R3HDM1: variants seen among roughly 807,000 people sequenced by gnomAD.
R3HDM1 encodes R3H domain-containing protein 1.
A neutral mutation model predicts 141.1 loss-of-function variants in R3HDM1; 46 were observed. That is an observed-to-expected ratio of 0.33 (90% CI 0.26 to 0.42). The LOEUF (loss-of-function observed/expected upper bound fraction) is 0.42, where lower values mean the gene tolerates loss of function less well. Ranked by LOEUF, R3HDM1 falls within the 10% of genes least tolerant of loss-of-function variation. The probability of loss-of-function intolerance (pLI) is 1.00; values close to 1 mark genes in which losing one functional copy is unlikely to be tolerated. For missense variants in R3HDM1, 1,184 were observed against 1,368.3 expected, an observed-to-expected ratio of 0.87 and a Z score of 2.12; for synonymous variants, 435 against 472.9, an observed-to-expected ratio of 0.92 and a Z score of 1.04.
Position 135,645,521 on chromosome 2 carries a change from C to T in R3HDM1, c.1617C>T (p.Phe539=), listed in dbSNP as rs1461130504. 1.2e-6 allele frequency: 2 copies of T among 1,613,922 alleles called. No homozygotes were observed. The highest frequency in any genetic ancestry group is 3.3e-5 in the Admixed American group (2 of 59,990). The change falls in exon 16 of 27, where the codon TTC becomes TTT. Residue 539 remains phenylalanine, a synonymous_variant. Transcript: ENST00000683871. ...AACAACCAGCAGCTAATCACATTTTCTCACAGGTGCACATATCCATGATTA... is the reference window on the plus strand; with the variant it reads ...AACAACCAGCAGCTAATCACATTTTTTCACAGGTGCACATATCCATGATTA... ...PPQQPAANHI[F]SQPVHPLQSS...
At chr2:135,690,100 T>C (rs1040009829) in intron 21 of R3HDM1, among the ~76,000 whole-genome samples, 7 of 152,158 alleles carry the variant, frequency 4.6e-5, no homozygotes, top group African/African-American at 1.4e-4. Flanking sequence ...TTTTAAGTCT[T>C]TTTCCCTTTT....
chr2:135,581,814 G>T (rs1434450061), intron 1 of R3HDM1, among the ~76,000 whole-genome samples: 1 of 151,896 alleles, frequency 6.6e-6, no homozygotes, highest in East Asian at 1.9e-4. Context: ...TTAACTCATG[G>T]TACCTTATGT....
At chr2:135,594,977 A>G (rs866818096) in intron 1 of R3HDM1, among the ~76,000 whole-genome samples, 1 of 139,308 alleles carries the variant, frequency 7.2e-6, no homozygotes, top group South Asian at 2.3e-4. Context: ...GGGATTCTAC[A>G]CCCCCCCCCC....
At chr2:135,716,937 G>T (rs1008228557) in intron 24 of R3HDM1, among the ~76,000 whole-genome samples, 2 of 146,836 alleles carry the variant, frequency 1.4e-5, no homozygotes, top group African/African-American at 5.1e-5. Flanking sequence ...GGGCGACAGA[G>T]AGAGGCTCCG....
chr2:135,657,653 C>G (rs1234396083), intron 18 of R3HDM1, among the ~76,000 whole-genome samples: 2 of 152,070 alleles, frequency 1.3e-5, no homozygotes, highest in East Asian at 1.9e-4. Flanking sequence ...CTCCACAGAT[C>G]TCTGTTCTTT....
At chr2:135,636,804 A>G (rs112935300) in intron 11 of R3HDM1, among the ~76,000 whole-genome samples, 128 of 152,084 alleles carry the variant, frequency 8.4e-4, no homozygotes, top group African/African-American at 2.8e-3. Context: ...AAAAAAAAAA[A>G]AAGAAGATTA....
chr2:135,545,922 A>G (rs1356688315), intron 1 of R3HDM1, among the ~76,000 whole-genome samples: 1 of 152,184 alleles, frequency 6.6e-6, no homozygotes. Flanking sequence ...ATCCGATCCA[A>G]CCTCAGTGGT....
At chr2:135,642,848 A>G (rs1430735549) in intron 15 of R3HDM1, among the ~76,000 whole-genome samples, 1 of 152,188 alleles carries the variant, frequency 6.6e-6, no homozygotes, top group East Asian at 1.9e-4. Flanking sequence ...TTCTCTTATA[A>G]GTATTAAATT....
At chr2:135,606,904 A>ATT (rs549103038) in intron 3 of R3HDM1, among the ~76,000 whole-genome samples, 3 of 99,510 alleles carry the variant, frequency 3.0e-5, no homozygotes, top group Non-Finnish European at 6.4e-5. Flanking sequence ...GTATAGCTTC[A>ATT]TTTTTTTTTT....
At chr2:135,569,268 A>G (rs1373449018) in intron 1 of R3HDM1, among the ~76,000 whole-genome samples, 2 of 152,094 alleles carry the variant, frequency 1.3e-5, no homozygotes, top group Non-Finnish European at 2.9e-5. Context: ...GTGGATCACA[A>G]GGTCAGGAGT....
chr2:135,621,427 A>G, intron 5 of R3HDM1, 67 bp from the exon 6 acceptor site: 1 of 980,118 alleles, frequency 1.0e-6, no homozygotes, highest in Non-Finnish European at 1.5e-6. Context: ...CTCAAAAAAT[A>G]TAAATGTGTG....
At chr2:135,622,374 T>C in intron 6 of R3HDM1, 1 of 984,346 alleles carries the variant, frequency 1.0e-6, no homozygotes, top group Non-Finnish European at 1.2e-6. Context: ...AAAAGGATCT[T>C]TAAAGAATTT....
At chr2:135,630,308 A>AAAAAAAAAAAC (rs2062571916) in intron 7 of R3HDM1, among the ~76,000 whole-genome samples, 1 of 131,974 alleles carries the variant, frequency 7.6e-6, no homozygotes, top group Non-Finnish European at 1.6e-5. Flanking sequence ...AAAAAAAAAA[A>AAAAAAAAAAAC]CAAAAAAAAA....
At position 135,724,328 on chromosome 2, in the gene R3HDM1, C is replaced by T. The variant is rs1427607230; in HGVS notation, c.*36C>T. The T allele has an allele frequency of 6.9e-7, 1 of 1,440,764 alleles. No homozygotes were observed. Among genetic ancestry groups the T allele is most frequent in the South Asian group, 1.3e-5 (1 of 78,704 alleles). The allele number at this position is 1,440,764 out of a possible 1,614,324, so 89.2% of individuals were successfully genotyped here. A position where few individuals can be genotyped will look rare whatever the true frequency, so the allele number is the denominator to read the frequency against. On this transcript the variant is annotated 3_prime_UTR_variant, in exon 27 of 27. Transcript: ENST00000683871. Reference sequence around the variant, plus strand: ...TGGACCCTTCGCCTTTATGGTTCCCCTGCCCTCTCCCATCTTTGATTGGCT... The same window carrying T: ...TGGACCCTTCGCCTTTATGGTTCCCTTGCCCTCTCCCATCTTTGATTGGCT...
chr2:135,627,528 A>G lies in R3HDM1; in HGVS notation c.498-4190A>G, dbSNP rs373570517. Among the ~76,000 whole-genome samples, 13 of 152,262 alleles carry G rather than the reference A, an allele frequency of 8.5e-5. No homozygotes were observed. In the East Asian group the frequency reaches 9.6e-4, roughly 11 times the overall value. On this transcript the variant is annotated intron_variant, in intron 7 of 26. Coordinates refer to ENST00000683871, the MANE Select transcript of R3HDM1 (RefSeq NM_001378107.1). ...CTAGGAACCTGAAGGTGTTACTGAT[A>G]AAGATTACACTCACTGACATAATTT... is the stretch of plus-strand genomic sequence containing the variant.
At chr2:135,632,562 T>C (rs1475216767) in intron 9 of R3HDM1, among the ~76,000 whole-genome samples, 5 of 152,206 alleles carry the variant, frequency 3.3e-5, no homozygotes, top group African/African-American at 4.8e-5. Context: ...AATTGATTGC[T>C]TTATAGTGTT....
rs901334166 is a variant in R3HDM1, at chr2:135,674,033, A to G, written c.2153-1299A>G. On this transcript the variant is annotated intron_variant, in intron 19 of 26. Coordinates refer to ENST00000683871, the MANE Select transcript of R3HDM1 (RefSeq NM_001378107.1). Reference sequence around the variant, plus strand: ...ATCCACCCAATCCATCCATCTCCCAAAGTGCTGGGATCATAGGTGTAAGCC... The same window carrying G: ...ATCCACCCAATCCATCCATCTCCCAGAGTGCTGGGATCATAGGTGTAAGCC... Among the ~76,000 whole-genome samples, 6 of 152,254 alleles carry G rather than the reference A, an allele frequency of 3.9e-5. No homozygotes were observed. In the South Asian group the frequency reaches 1.2e-3, roughly 32 times the overall value.
At chr2:135,638,058 A>G (rs1364360667) in intron 11 of R3HDM1, among the ~76,000 whole-genome samples, 1 of 152,208 alleles carries the variant, frequency 6.6e-6, no homozygotes, top group African/African-American at 2.4e-5. Flanking sequence ...GAGCCATTCA[A>G]GTGGGAAGAG....
intron 3 of R3HDM1, among the ~76,000 whole-genome samples, chr2:135,614,377 G>A (rs2060820965): frequency 6.6e-6 from 1 of 152,062 alleles, no homozygotes; most frequent in Non-Finnish European, 1.5e-5. Context: ...CAGCACATTG[G>A]TTTTCTGACA....
Sources: gnomAD v4.1 joint callset for allele counts (sites outside exome capture counted in the v4.1 genomes callset) on GRCh38, gnomAD v4.1.1 for gene constraint, MANE v1.5 for transcripts, NCBI Gene and HGNC (gene_info 2026-07-23, HGNC 2026-07-21) for gene names.